GPM6A: variants seen among roughly 807,000 people sequenced by gnomAD.
The protein encoded by GPM6A is neuronal membrane glycoprotein M6-a.
Under a neutral mutation model 32.1 loss-of-function variants are expected in GPM6A, and 7 were observed. The ratio of observed to expected loss-of-function variants is 0.22; its 90% CI spans 0.12 to 0.41. GPM6A has a LOEUF of 0.41. GPM6A is among the 10% of genes least tolerant of loss of function. The pLI is 1.00. For synonymous variants in GPM6A, 130 were observed against 123.4 expected, an observed-to-expected ratio of 1.05 and a Z score of -0.35; for missense variants, 235 against 347.2, an observed-to-expected ratio of 0.68 and a Z score of 2.57.
At chr4:175,987,076 A>G (rs137942272) in intron 1 of GPM6A, among the ~76,000 whole-genome samples, 1 of 152,302 alleles carries the variant, frequency 6.6e-6, no homozygotes, top group Non-Finnish European at 1.5e-5. Context: ...CATATACACC[A>G]TATAAAGTTC....
Position 176,002,189 on chromosome 4 carries a change from G to A in GPM6A, c.-23+120C>T, listed in dbSNP as rs984612146. On this transcript the variant is annotated intron_variant, in intron 1 of 7. Coordinates refer to the GPM6A transcript ENST00000280187. Reference sequence around the variant, plus strand: ...CGGGGGGCGGGGGACGCCAGGCGCGGGGGGAACAGAGCTGGGAAGGACGCA... The same window carrying A: ...CGGGGGGCGGGGGACGCCAGGCGCGAGGGGAACAGAGCTGGGAAGGACGCA... 3.0e-5 allele frequency: 34 copies of A among 1,125,868 alleles called. No individual in the cohort carries two copies. In the East Asian group the frequency reaches 8.7e-4, roughly 29 times the overall value. 69.7% of individuals were successfully genotyped at this position (1,125,868 alleles called of 1,614,324 possible).
chr4:175,723,558 A>G (rs1327170475), intron 1 of GPM6A, among the ~76,000 whole-genome samples: 7 of 152,154 alleles, frequency 4.6e-5, no homozygotes, highest in African/African-American at 1.7e-4. Context: ...GAGTTTGGCT[A>G]GAATGCTATA....
rs1028963053 is a variant in GPM6A at position 175,760,582 on chromosome 4, A to G, written c.37+51609T>C. On this transcript the variant is annotated intron_variant, in intron 1 of 6. Coordinates refer to ENST00000393658, the MANE Select transcript of GPM6A (RefSeq NM_201591.3). ...AAGATATATTCAAATGCAGATTATA[A>G]AGATTAAATCAAGATTCCAATGATG... Among the ~76,000 whole-genome samples, 11 of 152,342 alleles carry G rather than the reference A, an allele frequency of 7.2e-5. No homozygotes were observed. In the Middle Eastern group the frequency reaches 0.014, roughly 188 times the overall value.
At chr4:175,891,777 A>G (rs1378240942) in intron 1 of GPM6A, 3 of 152,250 alleles carry the variant, frequency 2.0e-5, no homozygotes, top group African/African-American at 7.2e-5. Flanking sequence ...GTATTGAACC[A>G]AATTTATACT....
At chr4:175,924,580 C>T (rs1738770934) in intron 1 of GPM6A, among the ~76,000 whole-genome samples, 1 of 152,130 alleles carries the variant, frequency 6.6e-6, no homozygotes, top group Non-Finnish European at 1.5e-5. Context: ...TGGCTCAAGC[C>T]TGTAATCCCA....
chr4:175,992,431 A>G (rs933089732), intron 1 of GPM6A, among the ~76,000 whole-genome samples: 1 of 152,216 alleles, frequency 6.6e-6, no homozygotes, highest in African/African-American at 2.4e-5. Flanking sequence ...AGAATTACTA[A>G]CAAGGAAAGA....
intron 1 of GPM6A, among the ~76,000 whole-genome samples, chr4:175,792,256 A>C (rs985992193): frequency 6.6e-6 from 1 of 152,184 alleles, no homozygotes; most frequent in Non-Finnish European, 1.5e-5. Flanking sequence ...ATTGGATTGA[A>C]ACTGCCATGC....
intron 4 of GPM6A, among the ~76,000 whole-genome samples, chr4:175,645,721 A>G (rs1157160074): frequency 6.6e-6 from 1 of 152,186 alleles, no homozygotes; most frequent in East Asian, 1.9e-4. Flanking sequence ...ACTCCGTCTC[A>G]AAAAACAAAC....
In GPM6A at chr4:175,915,929, C is replaced by T. The variant is rs1292099360; in HGVS notation, c.-23+86380G>A. 2.0e-5 allele frequency among the ~76,000 whole-genome samples: 3 copies of T among 152,304 alleles called. No homozygotes were observed. The East Asian group carries it at 5.8e-4, about 29-fold the overall frequency. On this transcript the variant is annotated intron_variant, in intron 1 of 7. Coordinates refer to the GPM6A transcript ENST00000280187. ...TACATTTGTCATCCTCTGCTACTTG[C>T]GTGCACACGGGGACTGGGTCATCCA...
chr4:175,749,321 G>T (rs1268235051), intron 1 of GPM6A, among the ~76,000 whole-genome samples: 1 of 152,082 alleles, frequency 6.6e-6, no homozygotes, highest in Non-Finnish European at 1.5e-5. Context: ...TTGAAATATT[G>T]TGAGAAATAT....
chr4:175,865,378 C>T (rs977890279), intron 1 of GPM6A, among the ~76,000 whole-genome samples: 13 of 152,096 alleles, frequency 8.5e-5, no homozygotes, highest in African/African-American at 3.1e-4. Flanking sequence ...CCTAATTATG[C>T]TCTTCTTTTT....
At position 175,952,296 on chromosome 4, in the gene GPM6A, C is replaced by G. The variant is rs137942744; in HGVS notation, c.-23+50013G>C. ...TTAAGATACTATATTCCTTAAGAAG[C>G]TAGGAGAAGTTCGTTTCTATGTACA... On this transcript the variant is annotated intron_variant, in intron 1 of 7. Transcript: ENST00000280187. Among the ~76,000 whole-genome samples the G allele has an allele frequency of 4.7e-3, 720 of 152,270 alleles. 4 individuals carry two copies. The highest frequency in any genetic ancestry group is 0.016 in the African/African-American group (682 of 41,562).
chr4:175,738,471 C>G (rs562392960), intron 1 of GPM6A, among the ~76,000 whole-genome samples: 2 of 151,968 alleles, frequency 1.3e-5, no homozygotes, highest in African/African-American at 4.8e-5. Context: ...TTTCTTAAAA[C>G]CATCCCAAGC....
chr4:175,927,758 G>A (rs1257883567), intron 1 of GPM6A, among the ~76,000 whole-genome samples: 4 of 152,154 alleles, frequency 2.6e-5, no homozygotes, highest in East Asian at 1.9e-4. Flanking sequence ...GGCGGTGCAC[G>A]CCTGTAATCC....
chr4:175,788,463 A>AT (rs199895446), intron 1 of GPM6A, among the ~76,000 whole-genome samples: 1,723 of 152,170 alleles, frequency 0.011, 19 homozygotes, highest in Non-Finnish European at 0.017. Context: ...CAGACTACTG[A>AT]TTTTTTTTAA....
chr4:175,682,867 G>A (rs1743764606), intron 2 of GPM6A, among the ~76,000 whole-genome samples: 1 of 152,186 alleles, frequency 6.6e-6, no homozygotes, highest in Admixed American at 6.5e-5. Context: ...CTGCAAGAGT[G>A]GAGGCCTCAC....
chr4:175,634,785 G>A lies in GPM6A; in HGVS notation c.*120C>T. 1.4e-6 allele frequency: 1 copy of A among 695,060 alleles called. No individual in the cohort carries two copies. The highest frequency in any genetic ancestry group is 2.4e-6 in the Non-Finnish European group (1 of 409,250). The allele number at this position is 695,060 out of a possible 1,614,324, so 43.1% of individuals were successfully genotyped here. A position where few individuals can be genotyped will look rare whatever the true frequency, so the allele number is the denominator to read the frequency against. On this transcript the variant is annotated 3_prime_UTR_variant, in exon 7 of 7. Transcript: ENST00000393658. ...AGAATTGTACTCAGGTGATTCATAA[G>A]TCACCTTACATATCATTGATGAGAA... is the stretch of plus-strand genomic sequence containing the variant.
intron 1 of GPM6A, among the ~76,000 whole-genome samples, chr4:175,863,982 C>G (rs909765099): frequency 1.3e-5 from 2 of 151,898 alleles, no homozygotes; most frequent in Non-Finnish European, 2.9e-5. Context: ...GCCTGGACAA[C>G]AGAGAGAGAC....
intron 1 of GPM6A, among the ~76,000 whole-genome samples, chr4:175,826,145 G>A (rs1254928137): frequency 2.0e-5 from 3 of 151,636 alleles, no homozygotes; most frequent in Admixed American, 1.3e-4. Flanking sequence ...GGGTACCAAA[G>A]GGAGACACTG....
Sources: gnomAD v4.1 joint callset for allele counts (sites outside exome capture counted in the v4.1 genomes callset) on GRCh38, gnomAD v4.1.1 for gene constraint, MANE v1.5 for transcripts, NCBI Gene and HGNC (gene_info 2026-07-23, HGNC 2026-07-21) for gene names.